Variants in ACTA2 observed in about 807,000 individuals in gnomAD.
The protein encoded by ACTA2 is actin, aortic smooth muscle.
ACTA2 carries 12 observed loss-of-function variants against 39.5 expected under a neutral mutation model. The observed-to-expected ratio is 0.30, with a 90% CI of 0.19 to 0.49. ACTA2 has a LOEUF of 0.49. Ranked by LOEUF, ACTA2 falls within the 20% of genes least tolerant of loss-of-function variation. ACTA2 has a pLI of 0.99. For synonymous variants in ACTA2, 158 were observed against 180.6 expected, an observed-to-expected ratio of 0.88 and a Z score of 1.00; for missense variants, 236 against 498.8, an observed-to-expected ratio of 0.47 and a Z score of 5.02.
intron 2 of ACTA2, chr10:88,948,176 C>T (rs1444266234): frequency 6.3e-6 from 1 of 158,070 alleles, no homozygotes; most frequent in Non-Finnish European, 1.4e-5. Flanking sequence ...ATTATTTATT[C>T]TCATGAATAT....
chr10:88,981,383 C>CT (rs5786847), intron 1 of ACTA2, among the ~76,000 whole-genome samples: 92,010 of 149,596 alleles, frequency 0.62, 28,766 homozygotes, highest in East Asian at 0.97. Context: ...AGAGAAATGA[C>CT]TTTTTTTTTT....
At chr10:88,985,458 C>G (rs1941509432) in intron 1 of ACTA2, among the ~76,000 whole-genome samples, 1 of 152,202 alleles carries the variant, frequency 6.6e-6, no homozygotes, top group Non-Finnish European at 1.5e-5. Context: ...AGAAAACCAC[C>G]TATGTCTCCT....
intron 4 of ACTA2, 146 bp downstream of exon 4, chr10:88,943,651 C>T: frequency 1.4e-6 from 1 of 732,018 alleles, no homozygotes; most frequent in Non-Finnish European, 2.5e-6. Flanking sequence ...CTGTTCCTGT[C>T]CTTTGGGATC....
At chr10:88,957,948 A>G (rs1170870100) in intron 1 of ACTA2, among the ~76,000 whole-genome samples, 7 of 151,896 alleles carry the variant, frequency 4.6e-5, no homozygotes, top group Non-Finnish European at 2.9e-5. Context: ...TTGTATTTTT[A>G]GTAGAGACGG....
chr10:88,979,422 G>A (rs1040305386), intron 1 of ACTA2, among the ~76,000 whole-genome samples: 1 of 152,130 alleles, frequency 6.6e-6, no homozygotes, highest in Non-Finnish European at 1.5e-5. Context: ...CAGCATTCAG[G>A]ACAGATGAGA....
intron 1 of ACTA2, among the ~76,000 whole-genome samples, chr10:88,983,231 T>G (rs1423391933): frequency 6.6e-6 from 1 of 152,168 alleles, no homozygotes; most frequent in Non-Finnish European, 1.5e-5. Flanking sequence ...ACAGCAAAAA[T>G]TCTTACTTAG....
In ACTA2 at chr10:88,964,237, G is replaced by A. The variant is rs76135666; in HGVS notation, c.-23-15284C>T. ...TCTGGAACCCCTGCAAAAAAAGGCA[G>A]ATGAAAAAGAAAAAAGCGAACAGAA... On this transcript the variant is annotated intron_variant, in intron 1 of 4. Coordinates refer to the ACTA2 transcript ENST00000415557. Among the ~76,000 whole-genome samples, 926 of 152,182 alleles carry A rather than the reference G, an allele frequency of 6.1e-3. 14 individuals are homozygous for A. The highest frequency in any genetic ancestry group is 0.021 in the African/African-American group (871 of 41,544).
Position 88,947,387 on chromosome 10 carries a change from C to G in ACTA2, c.130-1G>C, listed in dbSNP as rs761668275. 6.2e-7 allele frequency: 1 copy of G among 1,613,864 alleles called. No homozygotes were observed. Among genetic ancestry groups the G allele is most frequent in the Admixed American group, 1.7e-5 (1 of 60,022 alleles). On this transcript the variant is annotated splice_acceptor_variant, in intron 2 of 8. Transcript: ENST00000224784. LOFTEE classifies it high-confidence loss of function. ...TTTGTCCCATTCCCACCATCACCCC[C>G]TAAAAAGGTTCAACACATTATGAGT...
intron 1 of ACTA2, among the ~76,000 whole-genome samples, chr10:88,951,989 G>C (rs1021544747): frequency 1.3e-5 from 2 of 152,212 alleles, no homozygotes; most frequent in Non-Finnish European, 2.9e-5. Context: ...AGCTGAGGGA[G>C]ATGCAAACCA....
chr10:88,946,422 A>G (rs949438281), intron 3 of ACTA2, among the ~76,000 whole-genome samples: 7 of 150,508 alleles, frequency 4.7e-5, no homozygotes, highest in Admixed American at 2.0e-4. Context: ...TTTTTTTGAG[A>G]TAGGATCTCA....
chr10:88,977,185 A>G (rs550620293), intron 1 of ACTA2, among the ~76,000 whole-genome samples: 1 of 151,882 alleles, frequency 6.6e-6, no homozygotes, highest in South Asian at 2.1e-4. Flanking sequence ...CCATTTGTCA[A>G]TTTTGGCTTT....
intron 1 of ACTA2, chr10:88,973,286 G>A (rs1190974922): frequency 1.2e-6 from 2 of 1,612,184 alleles, no homozygotes; most frequent in Non-Finnish European, 1.7e-6. Flanking sequence ...GGATCTCTAG[G>A]TCATCATCAC....
At chr10:88,945,761 C>T (rs1340755820) in intron 3 of ACTA2, among the ~76,000 whole-genome samples, 1 of 152,152 alleles carries the variant, frequency 6.6e-6, no homozygotes, top group African/African-American at 2.4e-5. Flanking sequence ...ATGTTACACT[C>T]CTGTTTACTA....
At chr10:88,941,035 C>T (rs1178154430) in intron 6 of ACTA2, 194 bp downstream of exon 6, 8 of 635,448 alleles carry the variant, frequency 1.3e-5, no homozygotes, top group Non-Finnish European at 1.9e-5. Context: ...TATAACTGTT[C>T]TCCTCAAGGA....
At chr10:88,945,575 A>G (rs1389332591) in intron 3 of ACTA2, among the ~76,000 whole-genome samples, 1 of 152,196 alleles carries the variant, frequency 6.6e-6, no homozygotes, top group Non-Finnish European at 1.5e-5. Context: ...CCAAACATCA[A>G]AATCTTAGAA....
intron 1 of ACTA2, among the ~76,000 whole-genome samples, chr10:88,959,526 G>A (rs1365704302): frequency 6.6e-6 from 1 of 152,180 alleles, no homozygotes; most frequent in Non-Finnish European, 1.5e-5. Context: ...AGACCTTAGA[G>A]TCAATTTTCC....
chr10:88,982,711 A>G (rs1846741601), intron 1 of ACTA2, among the ~76,000 whole-genome samples: 1 of 152,106 alleles, frequency 6.6e-6, no homozygotes. Flanking sequence ...GTCAAGTAAG[A>G]CTTGTTTCTG....
At chr10:88,988,466 T>G (rs1846985521) in intron 1 of ACTA2, among the ~76,000 whole-genome samples, 2 of 147,048 alleles carry the variant, frequency 1.4e-5, no homozygotes, top group Non-Finnish European at 3.0e-5. Context: ...CCTGTTTTTT[T>G]ACATAGTCAA....
intron 1 of ACTA2, among the ~76,000 whole-genome samples, chr10:88,978,573 G>T (rs960918480): frequency 1.3e-5 from 2 of 152,126 alleles, no homozygotes; most frequent in Non-Finnish European, 2.9e-5. Flanking sequence ...AAAAGATTCT[G>T]TTCTATTGAA....
Sources: gnomAD v4.1 joint callset for allele counts (sites outside exome capture counted in the v4.1 genomes callset) on GRCh38, gnomAD v4.1.1 for gene constraint, MANE v1.5 for transcripts, NCBI Gene and HGNC (gene_info 2026-07-23, HGNC 2026-07-21) for gene names.